CCDC125: variants seen among roughly 807,000 people sequenced by gnomAD.
CCDC125 encodes coiled-coil domain-containing protein 125.
Under a neutral mutation model 57.4 loss-of-function variants are expected in CCDC125, and 43 were observed. That is an observed-to-expected ratio of 0.75 (90% confidence interval 0.59 to 0.97). The LOEUF is 0.97. CCDC125 is among the 50% of genes least tolerant of loss of function. CCDC125 has a pLI of 0.00. For missense variants in CCDC125, 563 were observed against 595.7 expected, an observed-to-expected ratio of 0.95 and a Z score of 0.57; for synonymous variants, 187 against 195.2, an observed-to-expected ratio of 0.96 and a Z score of 0.35.
At chr5:69,300,666 T>G (rs1756247164) in intron 7 of CCDC125, among the ~76,000 whole-genome samples, 1 of 152,080 alleles carries the variant, frequency 6.6e-6, no homozygotes, top group Non-Finnish European at 1.5e-5. Context: ...GGAGGACTTA[T>G]GATCATGAGC....
At chr5:69,307,778 G>T in intron 5 of CCDC125, 173 bp downstream of exon 5, 1 of 590,322 alleles carries the variant, frequency 1.7e-6, no homozygotes, top group African/African-American at 1.9e-5. Context: ...AATTCATTGT[G>T]CACATGACAA....
intron 5 of CCDC125, chr5:69,307,696 A>G (rs1757549413): frequency 7.1e-6 from 3 of 421,786 alleles, no homozygotes; most frequent in Non-Finnish European, 1.3e-5. Flanking sequence ...AAAAAAAAAA[A>G]GAAGAAGAAA....
At chr5:69,279,479 AG>A (rs1200402146), downstream of CCDC125, among the ~76,000 whole-genome samples, 1 of 152,198 alleles carries the variant, frequency 6.6e-6, no homozygotes, top group Non-Finnish European at 1.5e-5. Context: ...TACAGGCGTG[AG>A]CCACCGTGCC....
chr5:69,312,587 C>A (rs1758332816), intron 3 of CCDC125, among the ~76,000 whole-genome samples: 1 of 152,110 alleles, frequency 6.6e-6, no homozygotes, highest in Admixed American at 6.6e-5. Context: ...TTGTTTGAAG[C>A]CACACATACG....
At chr5:69,287,724 C>T (rs1264728178) in intron 10 of CCDC125, among the ~76,000 whole-genome samples, 2 of 144,976 alleles carry the variant, frequency 1.4e-5, no homozygotes, top group African/African-American at 4.9e-5. Flanking sequence ...TATCTACCAC[C>T]ACACTTGGCT....
At chr5:69,275,159 A>T in the CCDC125 span, among the ~76,000 whole-genome samples, 1 of 152,202 alleles carries the variant, frequency 6.6e-6, no homozygotes, top group South Asian at 2.1e-4. Context: ...AAGAAAATGT[A>T]TTGTATCTAC....
At chr5:69,276,764 G>A, downstream of CCDC125, 1 of 1,244,894 alleles carries the variant, frequency 8.0e-7, no homozygotes, top group Non-Finnish European at 1.1e-6. Flanking sequence ...GCTAGCGACT[G>A]AACAACAGCA....
At chr5:69,275,621 T>C (rs1277856601), downstream of CCDC125, among the ~76,000 whole-genome samples, 1 of 152,196 alleles carries the variant, frequency 6.6e-6, no homozygotes, top group Non-Finnish European at 1.5e-5. Flanking sequence ...ATAAGGACAT[T>C]AACAAAACTT....
At chr5:69,331,829 C>T (rs1470086839) in intron 1 of CCDC125, among the ~76,000 whole-genome samples, 3 of 152,202 alleles carry the variant, frequency 2.0e-5, no homozygotes, top group Non-Finnish European at 4.4e-5. Context: ...CTCCCTTGGA[C>T]CAGATGTGAT....
intron 10 of CCDC125, among the ~76,000 whole-genome samples, chr5:69,285,904 C>T (rs1223759426): frequency 6.6e-6 from 1 of 152,102 alleles, no homozygotes; most frequent in Non-Finnish European, 1.5e-5. Flanking sequence ...AAGACCTGGA[C>T]TTGAATCCTC....
intron 7 of CCDC125, among the ~76,000 whole-genome samples, chr5:69,301,499 C>T (rs911995179): frequency 6.6e-6 from 1 of 151,792 alleles, no homozygotes; most frequent in Admixed American, 6.6e-5. Flanking sequence ...CTTTGGGAGG[C>T]CAAGGCGAGC....
chr5:69,292,826 A>AT (rs947920997), intron 9 of CCDC125, among the ~76,000 whole-genome samples: 13 of 147,198 alleles, frequency 8.8e-5, no homozygotes, highest in South Asian at 2.2e-4. Flanking sequence ...CTTTTCTTCT[A>AT]TTTTTTTCTT....
chr5:69,287,251 C>T (rs548732920), intron 10 of CCDC125, among the ~76,000 whole-genome samples: 65 of 147,368 alleles, frequency 4.4e-4, no homozygotes, highest in Admixed American at 2.2e-3. Context: ...AAAAGCTGTG[C>T]GAGATTAATC....
chr5:69,327,251 C>T (rs1044667213), intron 1 of CCDC125, among the ~76,000 whole-genome samples: 2 of 151,822 alleles, frequency 1.3e-5, no homozygotes, highest in East Asian at 1.9e-4. Context: ...CCCGCCACCA[C>T]GCCCGGCTAA....
chr5:69,295,749 A>G (rs1207388610), intron 8 of CCDC125, among the ~76,000 whole-genome samples: 1 of 152,202 alleles, frequency 6.6e-6, no homozygotes, highest in East Asian at 1.9e-4. Context: ...CTCAACTAAT[A>G]TCTCTGTAAC....
chr5:69,289,173 G>A (rs962870127), intron 10 of CCDC125, among the ~76,000 whole-genome samples: 12 of 152,148 alleles, frequency 7.9e-5, no homozygotes, highest in African/African-American at 1.4e-4. Flanking sequence ...TTTCCCCTTC[G>A]TCTCTTCTTT....
At chr5:69,304,795 G>A (rs1237318857) in intron 6 of CCDC125, among the ~76,000 whole-genome samples, 2 of 152,070 alleles carry the variant, frequency 1.3e-5, no homozygotes, top group Non-Finnish European at 2.9e-5. Context: ...CATCCATTTT[G>A]CATACTCATT....
chr5:69,322,016 T>G (rs1219862277), intron 1 of CCDC125, among the ~76,000 whole-genome samples: 1 of 152,064 alleles, frequency 6.6e-6, no homozygotes, highest in Non-Finnish European at 1.5e-5. Flanking sequence ...TTCTATTTTT[T>G]TTTTAGTAGA....
At chr5:69,329,644 A>T (rs944006492) in intron 1 of CCDC125, among the ~76,000 whole-genome samples, 12 of 151,618 alleles carry the variant, frequency 7.9e-5, no homozygotes, top group African/African-American at 2.9e-4. Flanking sequence ...CTGGGATTAC[A>T]GGTGCCTGCC....
Sources: gnomAD v4.1 joint callset for allele counts (sites outside exome capture counted in the v4.1 genomes callset) on GRCh38, gnomAD v4.1.1 for gene constraint, MANE v1.5 for transcripts, NCBI Gene and HGNC (gene_info 2026-07-23, HGNC 2026-07-21) for gene names.